The following PCDHA5 variants were observed in gnomAD, a reference collection of about 807,000 sequenced individuals.
The protein encoded by PCDHA5 is protocadherin alpha-5.
In PCDHA5, 43 loss-of-function variants were observed where a neutral mutation model predicts 61.6. That is an observed-to-expected ratio of 0.70 (90% confidence interval 0.55 to 0.90). The LOEUF (loss-of-function observed/expected upper bound fraction) is 0.90. Among genes scored for constraint, PCDHA5 ranks in the 40% least tolerant of loss-of-function variants. The pLI, the probability that PCDHA5 is intolerant of heterozygous loss-of-function variation, is 0.00. For missense variants in PCDHA5, 1,298 were observed against 1,222.7 expected (o/e 1.06, Z -0.92); for synonymous variants, 627 against 543.9 (o/e 1.15, Z -2.13).
Position 140,821,871 on chromosome 5 carries a change from C to T in PCDHA5, c.96C>T (p.Tyr32=), listed in dbSNP as rs2150111403. The part of the protein sequence containing the change: ...YWKAGSGQLH[Y]SIPEEAKHGT... ...AGGCAGGGAGCGGCCAGCTCCACTA[C>T]TCGATCCCGGAGGAAGCCAAACACG... Residue 32 remains tyrosine, a synonymous_variant, in exon 1 of 4, where the codon TAC becomes TAT. Coordinates refer to ENST00000529859, the MANE Select transcript of PCDHA5 (RefSeq NM_018908.3). The T allele has an allele frequency of 6.2e-7, 1 of 1,614,228 alleles. No homozygotes were observed. The highest frequency in any genetic ancestry group is 1.1e-5 in the South Asian group (1 of 91,086).
At position 140,968,456 on chromosome 5, in the gene PCDHA5, A is replaced by G. The variant is rs782476018; in HGVS notation, c.2353-10493A>G. ...GAGCCCACCACTGAGCAGCACTGTG[A>G]CTGCCAACGTATATGTGGTGGACAT... On this transcript the variant is annotated intron_variant, in intron 1 of 3. Transcript: ENST00000529859. 82 of 1,613,964 alleles carry G rather than the reference A, an allele frequency of 5.1e-5. No individual in the cohort carries two copies. Among genetic ancestry groups the G allele is most frequent in the Non-Finnish European group, 6.2e-5 (73 of 1,180,022 alleles).
At chr5:140,849,357 G>A in intron 1 of PCDHA5, 1 of 1,458,086 alleles carries the variant, frequency 6.9e-7, no homozygotes, top group Non-Finnish European at 9.4e-7. Flanking sequence ...TGTTTCTCCA[G>A]ATATAAAATC....
intron 1 of PCDHA5, chr5:140,968,146 T>C: frequency 6.2e-7 from 1 of 1,614,140 alleles, no homozygotes. Flanking sequence ...TTGAGATCTC[T>C]GACATCAATG....
At chr5:140,984,968 C>T (rs1380988893) in intron 3 of PCDHA5, among the ~76,000 whole-genome samples, 1 of 151,950 alleles carries the variant, frequency 6.6e-6, no homozygotes, top group South Asian at 2.1e-4. Flanking sequence ...GACAGAGTCT[C>T]GCTCTGTCCC....
chr5:140,850,221 G>T (rs2041438830), intron 1 of PCDHA5: 1 of 1,593,734 alleles, frequency 6.3e-7, no homozygotes, highest in Non-Finnish European at 8.6e-7. Context: ...CACTGACGGC[G>T]CAGTGAGCGA....
intron 1 of PCDHA5, among the ~76,000 whole-genome samples, chr5:140,897,659 G>A: frequency 6.6e-6 from 1 of 152,230 alleles, no homozygotes; most frequent in South Asian, 2.1e-4. Flanking sequence ...ACGTGTGCAT[G>A]TGTCTTTATA....
At chr5:140,830,749 G>A (rs1170210676) in intron 1 of PCDHA5, 11 of 188,306 alleles carry the variant, frequency 5.8e-5, no homozygotes, top group Non-Finnish European at 1.1e-4. Context: ...GTTTTCTGTT[G>A]CATTTTAATT....
chr5:140,829,472 A>C (rs1281659307), intron 1 of PCDHA5: 2 of 1,613,698 alleles, frequency 1.2e-6, no homozygotes, highest in Non-Finnish European at 8.5e-7. Flanking sequence ...GCCCGAGTAC[A>C]CAGTGTTCGT....
At chr5:140,877,811 G>A in intron 1 of PCDHA5, 1 of 1,610,242 alleles carries the variant, frequency 6.2e-7, no homozygotes, top group Non-Finnish European at 8.5e-7. Context: ...CAGCTGTCTC[G>A]AGAAGATTGT....
intron 1 of PCDHA5, among the ~76,000 whole-genome samples, chr5:140,912,358 T>G (rs2075885370): frequency 1.4e-5 from 2 of 146,130 alleles, no homozygotes; most frequent in African/African-American, 2.6e-5. Flanking sequence ...TTTTTTTTTT[T>G]GCAGCTGTTG....
At chr5:140,941,321 T>C (rs1220701599) in intron 1 of PCDHA5, among the ~76,000 whole-genome samples, 5 of 62,540 alleles carry the variant, frequency 8.0e-5, no homozygotes, top group African/African-American at 2.0e-4. Context: ...TTCTTTCTCT[T>C]TTTTTTTTTT....
intron 1 of PCDHA5, among the ~76,000 whole-genome samples, chr5:140,914,261 T>G (rs1294037425): frequency 6.6e-6 from 1 of 152,202 alleles, no homozygotes; most frequent in Non-Finnish European, 1.5e-5. Context: ...GCTTCAATGG[T>G]GGGTGCATAT....
In PCDHA5 at chr5:141,010,293, GC is replaced by G; in HGVS notation, c.*357del. The G allele has an allele frequency of 6.5e-7, 1 of 1,549,794 alleles. No individual in the cohort carries two copies. The highest frequency in any genetic ancestry group is 8.7e-7 in the Non-Finnish European group (1 of 1,146,454). On this transcript the variant is annotated 3_prime_UTR_variant, in exon 4 of 4. Transcript: ENST00000529859. ...ATCCTGTCTTGATGACACTTGCAGG[GC>G]AGGCTGAAAAGTTTTGAGATTGAGC...
intron 1 of PCDHA5, among the ~76,000 whole-genome samples, chr5:140,840,393 T>C (rs1266640597): frequency 6.6e-6 from 1 of 151,926 alleles, no homozygotes; most frequent in African/African-American, 2.4e-5. Flanking sequence ...GTTGCAGATA[T>C]GGAGTTAAGA....
chr5:140,917,439 G>T (rs1437451173), intron 1 of PCDHA5, among the ~76,000 whole-genome samples: 1 of 151,364 alleles, frequency 6.6e-6, no homozygotes, highest in Non-Finnish European at 1.5e-5. Flanking sequence ...TTTTGTTTTT[G>T]CTGCAAGAGC....
At chr5:140,950,706 G>A (rs72802969) in intron 1 of PCDHA5, among the ~76,000 whole-genome samples, 841 of 152,058 alleles carry the variant, frequency 5.5e-3, no homozygotes, top group Middle Eastern at 0.017. Flanking sequence ...ACAAATTTTT[G>A]TTCCTTATAT....
At chr5:140,935,134 T>G (rs1358918679) in intron 1 of PCDHA5, among the ~76,000 whole-genome samples, 1 of 152,210 alleles carries the variant, frequency 6.6e-6, no homozygotes. Context: ...TAGTGAAAGA[T>G]GATACTTAGA....
In PCDHA5 at chr5:140,941,719, C is replaced by G. The variant is rs76426901; in HGVS notation, c.2353-37230C>G. 1.5e-4 allele frequency among the ~76,000 whole-genome samples: 23 copies of G among 152,260 alleles called. No individual in the cohort carries two copies. The East Asian group carries it at 4.0e-3, about 27-fold the overall frequency. ...GGCTTAGCTTTCCTCCACAATTTGT[C>G]CTAGCAGTTCCCCATTATCTTATCA... is the stretch of plus-strand genomic sequence containing the variant. On this transcript the variant is annotated intron_variant, in intron 1 of 3. Coordinates refer to ENST00000529859, the MANE Select transcript of PCDHA5 (RefSeq NM_018908.3).
At chr5:140,902,509 A>G (rs1242435474) in intron 1 of PCDHA5, among the ~76,000 whole-genome samples, 2 of 152,056 alleles carry the variant, frequency 1.3e-5, no homozygotes, top group Non-Finnish European at 2.9e-5. Context: ...TGAGTCTGTC[A>G]TATATGGTTT....
Sources: allele counts gnomAD v4.1 joint callset (sites outside exome capture counted in the v4.1 genomes callset), GRCh38; gene constraint gnomAD v4.1.1; transcripts MANE v1.5; gene names NCBI Gene and HGNC (gene_info 2026-07-23, HGNC 2026-07-21).